LMNTD1: variants seen among roughly 807,000 people sequenced by gnomAD.
LMNTD1 encodes the protein lamin tail domain-containing protein 1.
LMNTD1 carries 35 observed loss-of-function variants against 50.9 expected under a neutral mutation model. That is an observed-to-expected ratio of 0.69 (90% CI 0.53 to 0.91). LMNTD1 has a LOEUF of 0.91. LMNTD1 is among the 40% of genes least tolerant of loss of function. The pLI is 0.00. For synonymous variants in LMNTD1, 153 were observed against 161.9 expected (o/e 0.94, Z 0.42); for missense variants, 470 against 475.5 (o/e 0.99, Z 0.11).
chr12:25,609,443 C>G (rs1021159464), intron 1 of LMNTD1, among the ~76,000 whole-genome samples: 1 of 152,158 alleles, frequency 6.6e-6, no homozygotes, highest in Non-Finnish European at 1.5e-5. Context: ...CTGGTTTCTC[C>G]TCTTCTTTGT....
chr12:25,606,319 C>T, intron 1 of LMNTD1, among the ~76,000 whole-genome samples: 1 of 152,174 alleles, frequency 6.6e-6, no homozygotes, highest in Non-Finnish European at 1.5e-5. Flanking sequence ...ATTGAATGCC[C>T]TTTATTTCCT....
chr12:25,566,167 T>A (rs1159090009), intron 1 of LMNTD1, among the ~76,000 whole-genome samples: 1 of 152,122 alleles, frequency 6.6e-6, no homozygotes, highest in Non-Finnish European at 1.5e-5. Context: ...TAATTATCCC[T>A]TTGAATAAAC....
At chr12:25,520,524 C>T (rs529113577) in intron 6 of LMNTD1, among the ~76,000 whole-genome samples, 1 of 152,246 alleles carries the variant, frequency 6.6e-6, no homozygotes, top group African/African-American at 2.4e-5. Context: ...TAATGTCCTC[C>T]AGGTACCTCC....
chr12:25,567,072 A>G (rs1944585396), intron 1 of LMNTD1, among the ~76,000 whole-genome samples: 1 of 152,184 alleles, frequency 6.6e-6, no homozygotes, highest in Non-Finnish European at 1.5e-5. Flanking sequence ...GGTGGATGAC[A>G]TAGTGTCTGA....
intron 8 of LMNTD1, among the ~76,000 whole-genome samples, chr12:25,510,647 G>T (rs1176005399): frequency 3.3e-5 from 5 of 151,476 alleles, no homozygotes; most frequent in Non-Finnish European, 5.9e-5. Context: ...CTTATCCTTT[G>T]CTTCCTTACT....
chr12:25,590,589 A>T (rs920598057), intron 1 of LMNTD1, among the ~76,000 whole-genome samples: 2 of 152,228 alleles, frequency 1.3e-5, no homozygotes, highest in African/African-American at 4.8e-5. Flanking sequence ...GGGTGCTAGC[A>T]TCAACCCTTC....
chr12:25,625,571 G>A (rs1946571659), intron 1 of LMNTD1, among the ~76,000 whole-genome samples: 3 of 152,152 alleles, frequency 2.0e-5, no homozygotes, highest in East Asian at 3.8e-4. Flanking sequence ...AACCTTCCAT[G>A]CCTTCTCCAA....
intron 1 of LMNTD1, among the ~76,000 whole-genome samples, chr12:25,636,176 C>T (rs1282392745): frequency 2.0e-5 from 3 of 152,140 alleles, no homozygotes; most frequent in Non-Finnish European, 4.4e-5. Context: ...GCAAAAGGAA[C>T]AGTCAGCAGA....
chr12:25,482,794 C>A (rs772774115), intron 9 of LMNTD1, among the ~76,000 whole-genome samples: 1 of 151,904 alleles, frequency 6.6e-6, no homozygotes, highest in Non-Finnish European at 1.5e-5. Context: ...AAGAGGCACA[C>A]GCTTAGGAAA....
intron 1 of LMNTD1, among the ~76,000 whole-genome samples, chr12:25,633,758 C>T (rs533266560): frequency 3.0e-4 from 45 of 152,138 alleles, no homozygotes; most frequent in African/African-American, 1.0e-3. Context: ...AAGGTCACAC[C>T]TCAAGGAACT....
chr12:25,642,055 C>G (rs980201126), intron 1 of LMNTD1, among the ~76,000 whole-genome samples: 2 of 152,222 alleles, frequency 1.3e-5, no homozygotes, highest in Admixed American at 1.3e-4. Flanking sequence ...CAACCATACT[C>G]CATCCAAATC....
At chr12:25,478,080 C>T (rs61924624) in intron 9 of LMNTD1, among the ~76,000 whole-genome samples, 28,707 of 152,034 alleles carry the variant, frequency 0.19, 3,551 homozygotes, top group Non-Finnish European at 0.29. Context: ...TGCCCACCCA[C>T]CCAGATTAAG....
At chr12:25,501,849 A>G (rs1282129660) in intron 9 of LMNTD1, among the ~76,000 whole-genome samples, 1 of 151,380 alleles carries the variant, frequency 6.6e-6, no homozygotes, top group South Asian at 2.1e-4. Flanking sequence ...CAATAGATAA[A>G]TCATCCACTC....
At chr12:25,482,128 T>C (rs904186348) in intron 9 of LMNTD1, among the ~76,000 whole-genome samples, 3 of 152,130 alleles carry the variant, frequency 2.0e-5, no homozygotes, top group Non-Finnish European at 4.4e-5. Flanking sequence ...TAATTTCTCA[T>C]ATTCTGCTTT....
chr12:25,481,470 T>A (rs993679087), intron 9 of LMNTD1, among the ~76,000 whole-genome samples: 2 of 152,006 alleles, frequency 1.3e-5, no homozygotes, highest in Non-Finnish European at 1.5e-5. Context: ...CTCTCCTAGA[T>A]TGTGTGTACA....
intron 1 of LMNTD1, among the ~76,000 whole-genome samples, chr12:25,634,267 T>C (rs1468326729): frequency 6.6e-6 from 1 of 152,056 alleles, no homozygotes; most frequent in African/African-American, 2.4e-5. Context: ...CAAAGAAGAA[T>C]TGGTACCAAT....
chr12:25,480,304 T>A (rs1237183522), intron 9 of LMNTD1, among the ~76,000 whole-genome samples: 1 of 152,214 alleles, frequency 6.6e-6, no homozygotes, highest in Non-Finnish European at 1.5e-5. Flanking sequence ...CAGATGGCAG[T>A]AAAGCATCTT....
chr12:25,648,356 A>G, intron 1 of LMNTD1: 5 of 671,924 alleles, frequency 7.4e-6, no homozygotes, highest in East Asian at 2.7e-5. Flanking sequence ...TTTCACGTTT[A>G]TGAAAAAAAT....
chr12:25,618,145 C>A (rs1592109414), intron 1 of LMNTD1, among the ~76,000 whole-genome samples: 1 of 152,282 alleles, frequency 6.6e-6, no homozygotes, highest in East Asian at 1.9e-4. Context: ...TCCTGTTTGT[C>A]TCTCTGTGGT....
Sources: gnomAD v4.1 joint callset for allele counts (sites outside exome capture counted in the v4.1 genomes callset) on GRCh38, gnomAD v4.1.1 for gene constraint, MANE v1.5 for transcripts, NCBI Gene and HGNC (gene_info 2026-07-23, HGNC 2026-07-21) for gene names.